The following AGMO variants were observed in gnomAD, a reference collection of about 807,000 sequenced individuals.
AGMO encodes alkylglycerol monooxygenase, also known as glyceryl-ether monooxygenase.
AGMO carries 75 observed loss-of-function variants against 60.2 expected under a neutral mutation model. That is an observed-to-expected ratio of 1.25 (90% CI 1.03 to 1.51). The LOEUF (loss-of-function observed/expected upper bound fraction) is 1.51. AGMO is among the 40% of genes most tolerant of loss of function. The probability of loss-of-function intolerance (pLI) is 0.00; values close to 1 mark genes in which losing one functional copy is unlikely to be tolerated. For synonymous variants in AGMO, 261 were observed against 177.1 expected, an observed-to-expected ratio of 1.47 and a Z score of -3.76; for missense variants, 763 against 525.5, an observed-to-expected ratio of 1.45 and a Z score of -4.42.
intron 3 of AGMO, among the ~76,000 whole-genome samples, chr7:15,511,304 C>T (rs1783667638): frequency 6.6e-6 from 1 of 152,118 alleles, no homozygotes; most frequent in Non-Finnish European, 1.5e-5. Flanking sequence ...AGCAAAGTAC[C>T]TGTAAAAAAC....
the AGMO span, among the ~76,000 whole-genome samples, chr7:15,180,411 C>A: frequency 6.6e-6 from 1 of 151,970 alleles, no homozygotes; most frequent in Non-Finnish European, 1.5e-5. Flanking sequence ...AACATGAACA[C>A]AATTCTGCCA....
chr7:15,533,154 G>A (rs1784410050), intron 3 of AGMO, among the ~76,000 whole-genome samples: 1 of 152,078 alleles, frequency 6.6e-6, no homozygotes, highest in African/African-American at 2.4e-5. Flanking sequence ...TGTCTTTAGA[G>A]TCACTAAAAA....
chr7:15,330,508 T>C (rs1400338993), intron 12 of AGMO, among the ~76,000 whole-genome samples: 2 of 152,134 alleles, frequency 1.3e-5, no homozygotes, highest in Non-Finnish European at 2.9e-5. Context: ...TATGTCATCA[T>C]TTTTGGATTT....
At chr7:15,219,684 TG>T (rs1175960705) in intron 12 of AGMO, among the ~76,000 whole-genome samples, 5 of 152,044 alleles carry the variant, frequency 3.3e-5, no homozygotes, top group African/African-American at 1.2e-4. Context: ...ACTGGCTAAG[TG>T]GGTAAGTGGA....
chr7:15,145,215 A>T, the AGMO span, among the ~76,000 whole-genome samples: 31 of 152,318 alleles, frequency 2.0e-4, no homozygotes, highest in African/African-American at 7.5e-4. Flanking sequence ...AAAATAGTAA[A>T]TAAATGTATT....
intron 12 of AGMO, among the ~76,000 whole-genome samples, chr7:15,330,794 C>G (rs1482257503): frequency 6.6e-6 from 1 of 151,878 alleles, no homozygotes; most frequent in Non-Finnish European, 1.5e-5. Flanking sequence ...TACTTAACAT[C>G]TTTCTAAGCC....
chr7:15,261,449 C>T (rs936697901), intron 12 of AGMO, among the ~76,000 whole-genome samples: 1 of 151,810 alleles, frequency 6.6e-6, no homozygotes, highest in African/African-American at 2.4e-5. Context: ...TAGAATAAAC[C>T]AGGAAGATAT....
chr7:15,372,130 G>C (rs1412943256), intron 10 of AGMO, among the ~76,000 whole-genome samples: 1 of 147,094 alleles, frequency 6.8e-6, no homozygotes, highest in Non-Finnish European at 1.5e-5. Context: ...AGACTACTAA[G>C]GGAGATAATC....
At chr7:15,238,569 A>C (rs916351212) in intron 12 of AGMO, among the ~76,000 whole-genome samples, 24 of 151,534 alleles carry the variant, frequency 1.6e-4, no homozygotes, top group African/African-American at 5.8e-4. Flanking sequence ...CAATTAAAAT[A>C]ATTTTAAAAA....
intron 3 of AGMO, among the ~76,000 whole-genome samples, chr7:15,445,670 A>G (rs1781681260): frequency 6.6e-6 from 1 of 152,200 alleles, no homozygotes; most frequent in African/African-American, 2.4e-5. Flanking sequence ...TTCTCTTCAG[A>G]AACATCAAAC....
chr7:15,336,901 C>T (rs928246807), intron 12 of AGMO, among the ~76,000 whole-genome samples: 4 of 152,180 alleles, frequency 2.6e-5, no homozygotes, highest in African/African-American at 9.6e-5. Context: ...TCTCAAACCA[C>T]ATAAAACCAT....
At chr7:15,548,691 T>G (rs1433939284) in intron 2 of AGMO, among the ~76,000 whole-genome samples, 1 of 152,160 alleles carries the variant, frequency 6.6e-6, no homozygotes, top group Non-Finnish European at 1.5e-5. Context: ...TACGTCTGAT[T>G]GGTGTGCCTG....
intron 3 of AGMO, among the ~76,000 whole-genome samples, chr7:15,458,424 T>C (rs1448428919): frequency 6.6e-6 from 1 of 152,186 alleles, no homozygotes; most frequent in African/African-American, 2.4e-5. Flanking sequence ...GTGGTGTGAC[T>C]TGCTTTCATA....
intron 12 of AGMO, among the ~76,000 whole-genome samples, chr7:15,210,747 C>G (rs1781566431): frequency 6.6e-6 from 1 of 152,020 alleles, no homozygotes; most frequent in Non-Finnish European, 1.5e-5. Flanking sequence ...TAGGCCTCTT[C>G]TCCTTAATAT....
At chr7:15,142,893 T>C in the AGMO span, among the ~76,000 whole-genome samples, 1 of 152,340 alleles carries the variant, frequency 6.6e-6, no homozygotes, top group Non-Finnish European at 1.5e-5. Context: ...TGTTATCGCA[T>C]TTAATCCTCA....
At chr7:15,178,515 C>T in the AGMO span, among the ~76,000 whole-genome samples, 2 of 152,136 alleles carry the variant, frequency 1.3e-5, no homozygotes, top group South Asian at 2.1e-4. Context: ...TGTTGTCCTG[C>T]TTGTATAAAT....
intron 5 of AGMO, among the ~76,000 whole-genome samples, chr7:15,395,061 T>G (rs186274482): frequency 6.6e-6 from 1 of 152,178 alleles, no homozygotes; most frequent in African/African-American, 2.4e-5. Context: ...ACTGGACAAT[T>G]TGAGATCTTC....
intron 12 of AGMO, among the ~76,000 whole-genome samples, chr7:15,356,016 G>A (rs1402422482): frequency 6.6e-6 from 1 of 152,086 alleles, no homozygotes; most frequent in African/African-American, 2.4e-5. Flanking sequence ...ATAGTAATTA[G>A]AAATACAATC....
chr7:15,354,529 T>G (rs1198811355), intron 12 of AGMO, among the ~76,000 whole-genome samples: 2 of 110,020 alleles, frequency 1.8e-5, no homozygotes, highest in African/African-American at 6.4e-5. Flanking sequence ...TATATATATA[T>G]ATATATATAT....
Sources: allele counts gnomAD v4.1 joint callset (sites outside exome capture counted in the v4.1 genomes callset), GRCh38; gene constraint gnomAD v4.1.1; transcripts MANE v1.5; gene names NCBI Gene and HGNC (gene_info 2026-07-23, HGNC 2026-07-21).